The following NKX2-2 variants were observed in gnomAD, a reference collection of about 807,000 sequenced individuals.
The protein encoded by NKX2-2 is NK2 homeobox 2, also known as homeobox protein Nkx-2.2.
NKX2-2 carries 8 observed loss-of-function variants against 24.6 expected under a neutral mutation model. The observed-to-expected ratio is 0.32, with a 90% CI of 0.19 to 0.59. The LOEUF is 0.59. Among genes scored for constraint, NKX2-2 ranks in the 20% least tolerant of loss-of-function variants. The pLI is 0.86. For missense variants in NKX2-2, 381 were observed against 373.9 expected, an observed-to-expected ratio of 1.02 and a Z score of -0.16; for synonymous variants, 217 against 173.3, an observed-to-expected ratio of 1.25 and a Z score of -1.98.
upstream of NKX2-2, among the ~76,000 whole-genome samples, chr20:21,514,599 C>T (rs571437135): frequency 3.3e-5 from 5 of 152,338 alleles, no homozygotes; most frequent in South Asian, 6.2e-4. Context: ...TCCCCGCCCC[C>T]GCGCGCCCAC....
upstream of NKX2-2, among the ~76,000 whole-genome samples, chr20:21,517,178 G>C (rs1244826434): frequency 6.6e-6 from 1 of 152,172 alleles, no homozygotes; most frequent in Admixed American, 6.5e-5. Context: ...TCAATGACCA[G>C]CCGAATCCTT....
chr20:21,519,243 T>C, the NKX2-2 span, among the ~76,000 whole-genome samples: 78 of 152,332 alleles, frequency 5.1e-4, no homozygotes, highest in African/African-American at 1.8e-3. Context: ...GAAAAGAAAC[T>C]CCTTTCCTGG....
At position 21,513,755 on chromosome 20, in the gene NKX2-2, G is replaced by A. The variant is rs545610114; in HGVS notation, c.-86C>T. On this transcript the variant is annotated 5_prime_UTR_variant, in exon 1 of 2. Coordinates refer to ENST00000377142, the MANE Select transcript of NKX2-2 (RefSeq NM_002509.4). This position sits in a 1 kb window ranked among gnomAD's most constrained non-coding sequence, Gnocchi z 4.6. ...CTCCCCTGCCCCGGCGGGCGGGGGA[G>A]GGGGGAGTTGGGGGGAGGGACTGGG... The A allele has an allele frequency of 8.2e-5, 67 of 816,186 alleles. No homozygotes were observed. The African/African-American group carries it at 1.1e-3, about 14-fold the overall frequency. 50.6% of individuals were successfully genotyped at this position (816,186 alleles called of 1,614,324 possible). A position where few individuals can be genotyped will look rare whatever the true frequency, so the allele number is the denominator to read the frequency against.
At chr20:21,520,508 G>A in the NKX2-2 span, among the ~76,000 whole-genome samples, 3 of 152,174 alleles carry the variant, frequency 2.0e-5, no homozygotes. Flanking sequence ...ACTTTAATGA[G>A]ATCTTTAAAA....
chr20:21,515,602 G>T (rs947486822), upstream of NKX2-2, among the ~76,000 whole-genome samples: 3 of 151,822 alleles, frequency 2.0e-5, no homozygotes, highest in East Asian at 3.9e-4. Context: ...TTTTTTGGGG[G>T]GGGGGTGCAG....
In NKX2-2 at chr20:21,513,186, G is replaced by T. The variant is rs953888288; in HGVS notation, c.259+225C>A. Among the ~76,000 whole-genome samples, 4 of 152,192 alleles carry T rather than the reference G, an allele frequency of 2.6e-5. No homozygotes were observed. Among genetic ancestry groups the T allele is most frequent in the Middle Eastern group, 6.8e-3 (2 of 294 alleles). ...TCTCCCTCTTTCTCCTTAACTTCTC[G>T]CATTGAAAAAAATTTTGGAGACCAA... is the stretch of plus-strand genomic sequence containing the variant. On this transcript the variant is annotated intron_variant, in intron 1 of 1. Coordinates refer to ENST00000377142, the MANE Select transcript of NKX2-2 (RefSeq NM_002509.4). This position sits in a 1 kb window ranked among gnomAD's most constrained non-coding sequence, Gnocchi z 4.6.
chr20:21,513,463 G>A lies in NKX2-2; in HGVS notation c.207C>T (p.Ser69=). 6.2e-7 allele frequency: 1 copy of A among 1,604,482 alleles called. No individual in the cohort carries two copies. Among genetic ancestry groups the A allele is most frequent in the African/African-American group, 1.3e-5 (1 of 74,600 alleles). The change falls in exon 1 of 2, where the codon AGC becomes AGT. Residue 69 remains serine, a synonymous_variant. Coordinates refer to ENST00000377142, the MANE Select transcript of NKX2-2 (RefSeq NM_002509.4). The surrounding 1 kb of genome is among the most constrained non-coding windows in gnomAD (Gnocchi z 4.6). ...CCAGCCAGCGCGTGTACGGGTTGTCGCTGCTGTCGTAGAAGGGGTTCTTCA... is the reference window on the plus strand; with the variant it reads ...CCAGCCAGCGCGTGTACGGGTTGTCACTGCTGTCGTAGAAGGGGTTCTTCA... ...LPLKNPFYDS[S]DNPYTRWLAS...
chr20:21,513,428 T>G lies in NKX2-2; in HGVS notation c.242A>C (p.Glu81Ala), dbSNP rs991998591. ...NPYTRWLAST[E>A]GLQYSLHGLA... ...CTACTTACGGGAGTACTGAAGGCCC[T>G]CGGTGCTGGCCAGCCAGCGCGTGTA... Residue 81 changes from glutamate (E) to alanine (A), a missense_variant, in exon 1 of 2, where the codon GAG becomes GCG. Coordinates refer to ENST00000377142, the MANE Select transcript of NKX2-2 (RefSeq NM_002509.4). This position sits in a 1 kb window ranked among gnomAD's most constrained non-coding sequence, Gnocchi z 4.6. 1 of 1,575,868 alleles carries G rather than the reference T, an allele frequency of 6.3e-7. No homozygotes were observed. Among genetic ancestry groups the G allele is most frequent in the Non-Finnish European group, 8.6e-7 (1 of 1,161,174 alleles).
At chr20:21,518,466 T>A (rs570392528), upstream of NKX2-2, among the ~76,000 whole-genome samples, 6 of 152,232 alleles carry the variant, frequency 3.9e-5, no homozygotes, top group Admixed American at 1.3e-4. Context: ...CTGCTCTGGG[T>A]TCCGCAACGA....
rs112314876 is a variant in NKX2-2 at position 21,513,357 on chromosome 20, C to T, written c.259+54G>A. The T allele has an allele frequency of 7.4e-6, 11 of 1,476,926 alleles. No homozygotes were observed. The East Asian group carries it at 2.5e-4, about 33-fold the overall frequency. 91.5% of individuals were successfully genotyped at this position (1,476,926 alleles called of 1,614,324 possible). On this transcript the variant is annotated intron_variant, in intron 1 of 1. Coordinates refer to ENST00000377142, the MANE Select transcript of NKX2-2 (RefSeq NM_002509.4). This position sits in a 1 kb window ranked among gnomAD's most constrained non-coding sequence, Gnocchi z 4.6. ...CACTCCCAGCGTCCAACCCGGGCTG[C>T]GGCTGCAGGAATGGAGGGGACCACG...
chr20:21,515,264 T>G (rs1248280927), upstream of NKX2-2, among the ~76,000 whole-genome samples: 6 of 75,490 alleles, frequency 7.9e-5, no homozygotes, highest in Admixed American at 1.5e-4. Context: ...GGGGCGGGAT[T>G]GCGGGGGTGG....
rs951594832 is a variant in NKX2-2, at chr20:21,511,622, C to T, written c.*301G>A. On this transcript the variant is annotated 3_prime_UTR_variant, in exon 2 of 2. Coordinates refer to ENST00000377142, the MANE Select transcript of NKX2-2 (RefSeq NM_002509.4). ...ACATTAACGCTGGGACGGTTTGGTCCCCCCGGGGAGAGGCAAAGAAGCGAA... is the reference window on the plus strand; with the variant it reads ...ACATTAACGCTGGGACGGTTTGGTCTCCCCGGGGAGAGGCAAAGAAGCGAA... The T allele has an allele frequency of 3.1e-4, 86 of 281,404 alleles. No homozygotes were observed. The highest frequency in any genetic ancestry group is 1.8e-3 in the African/African-American group (83 of 46,036). 17.4% of individuals were successfully genotyped at this position (281,404 alleles called of 1,614,324 possible).
rs918059113 is a variant in NKX2-2 at position 21,512,274 on chromosome 20, C to T, written c.471G>A (p.Glu157=). 5 of 1,613,630 alleles carry T rather than the reference C, an allele frequency of 3.1e-6. No individual in the cohort carries two copies. The African/African-American group carries it at 6.7e-5, about 22-fold the overall frequency. ...FRQQRYLSAP[E]REHLASLIRL... is the part of the protein sequence containing the mutation. ...GGATGAGGCTGGCCAGGTGTTCGCG[C>T]TCGGGCGCCGACAGGTACCGCTGCT... Residue 157 remains glutamate (E), a synonymous_variant, in exon 2 of 2, where the codon GAG becomes GAA. Coordinates refer to ENST00000377142, the MANE Select transcript of NKX2-2 (RefSeq NM_002509.4).
chr20:21,521,996 G>A, the NKX2-2 span, among the ~76,000 whole-genome samples: 1 of 152,144 alleles, frequency 6.6e-6, no homozygotes, highest in Non-Finnish European at 1.5e-5. Flanking sequence ...CTCCTCCTCC[G>A]CCTCCCAGCC....
At chr20:21,514,580 G>T (rs1015110791), upstream of NKX2-2, among the ~76,000 whole-genome samples, 1 of 152,174 alleles carries the variant, frequency 6.6e-6, no homozygotes, top group African/African-American at 2.4e-5. Flanking sequence ...ACATTCACCG[G>T]TTCCTACCTC....
chr20:21,514,772 AT>A (rs1394572192), upstream of NKX2-2, among the ~76,000 whole-genome samples: 1 of 152,184 alleles, frequency 6.6e-6, no homozygotes, highest in Non-Finnish European at 1.5e-5. Context: ...CTAGGTCAAT[AT>A]TTTGGTTGAG....
In NKX2-2 at chr20:21,511,249, G is replaced by GCAAAAACAAAAACAAAAAA. The variant is rs140543527; in HGVS notation, c.*673_*674insTTTTTTGTTTTTGTTTTTG. Reference sequence around the variant, plus strand: ...AGAAAGGAAGAAAGCAGGGGAAAACGCAAAAACAAAAACAAAACAAAAAAC... The same window carrying GCAAAAACAAAAACAAAAAA: ...AGAAAGGAAGAAAGCAGGGGAAAACGCAAAAACAAAAACAAAAAACAAAAACAAAAACAAAACAAAAAAC... On this transcript the variant is annotated 3_prime_UTR_variant, in exon 2 of 2. Transcript: ENST00000377142. 0.48 allele frequency: 72,454 copies of GCAAAAACAAAAACAAAAAA among 151,448 alleles called. 18,034 individuals carry two copies. The highest frequency in any genetic ancestry group is 0.61 in the African/African-American group (25,124 of 41,074). 9.4% of individuals were successfully genotyped at this position (151,448 alleles called of 1,614,324 possible).
At chr20:21,520,760 G>A in the NKX2-2 span, among the ~76,000 whole-genome samples, 2 of 152,172 alleles carry the variant, frequency 1.3e-5, no homozygotes, top group Non-Finnish European at 2.9e-5. Flanking sequence ...GGCTTTATTC[G>A]TTCGCGCTGC....
In NKX2-2 at chr20:21,513,532, C is replaced by A; in HGVS notation, c.138G>T (p.Gly46=). The change falls in exon 1 of 2, where the codon GGG becomes GGT. Residue 46 remains glycine (G), a synonymous_variant. Coordinates refer to ENST00000377142, the MANE Select transcript of NKX2-2 (RefSeq NM_002509.4). This position sits in a 1 kb window ranked among gnomAD's most constrained non-coding sequence, Gnocchi z 4.6. ...CGTCCAGGGCGCCCTGCCCCAGCGG[C>A]CCGGCCCTCTTGGCTGGCTCGGGCC... ...NEGPEPAKRA[G]PLGQGALDAV... 1 of 1,613,426 alleles carries A rather than the reference C, an allele frequency of 6.2e-7. No individual in the cohort carries two copies. The highest frequency in any genetic ancestry group is 1.7e-4 in the Middle Eastern group (1 of 6,058).
Sources: gnomAD v4.1 joint callset for allele counts (sites outside exome capture counted in the v4.1 genomes callset) on GRCh38, gnomAD v4.1.1 for gene constraint, Gnocchi (gnomAD v3.1) non-coding constraint, MANE v1.5 for transcripts, NCBI Gene and HGNC (gene_info 2026-07-23, HGNC 2026-07-21) for gene names.